Variants in ABCA2 observed in about 807,000 individuals in gnomAD.
ABCA2 encodes ATP binding cassette subfamily A member 2, also known as ATP-binding cassette sub-family A member 2.
Under a neutral mutation model 262.8 loss-of-function variants are expected in ABCA2, and 84 were observed. The ratio of observed to expected loss-of-function variants is 0.32; its 90% CI spans 0.27 to 0.38. The LOEUF (loss-of-function observed/expected upper bound fraction) is 0.38. Ranked by LOEUF, ABCA2 falls within the 10% of genes least tolerant of loss-of-function variation. ABCA2 has a pLI of 1.00. For synonymous variants in ABCA2, 1,696 were observed against 1,502.9 expected, an observed-to-expected ratio of 1.13 and a Z score of -2.97; for missense variants, 2,662 against 3,405.9, an observed-to-expected ratio of 0.78 and a Z score of 5.44.
Position 137,020,906 on chromosome 9 carries a change from G to A in ABCA2, c.1053C>T (p.Ala351=), listed in dbSNP as rs983613982. ...GGGGTCCGGGGGTCCGGCCAGTGCA[G>A]GCACCCTGGGGCAGTAGCAGGGCCA... The part of the protein sequence containing the change: ...SALALLLPQG[A]CTGRTPGPPA... The change falls in exon 9 of 49, where the codon GCC becomes GCT. Residue 351 remains alanine (A), a synonymous_variant. Transcript: ENST00000341511. The A allele has an allele frequency of 6.4e-7, 1 of 1,560,896 alleles. No individual in the cohort carries two copies. Among genetic ancestry groups the A allele is most frequent in the African/African-American group, 1.4e-5 (1 of 74,050 alleles).
chr9:137,008,135 TG>T, intron 48 of ABCA2, 171 bp from the exon 49 acceptor site: 6 of 884,210 alleles, frequency 6.8e-6, no homozygotes, highest in Non-Finnish European at 1.1e-5. Flanking sequence ...CTGCCGAGTC[TG>T]GGGGCCACTG....
chr9:137,021,130 G>A lies in ABCA2; in HGVS notation c.898-69C>T, dbSNP rs1338910248. On this transcript the variant is annotated intron_variant, in intron 8 of 48. Coordinates refer to ENST00000341511, the MANE Select transcript of ABCA2 (RefSeq NM_001606.5). This position sits in a 1 kb window ranked among gnomAD's most constrained non-coding sequence, Gnocchi z 6.0. ...TGCAGGTGGGTGATAGGTCAGGAGTGGAGCAGGGAGACAGCAGCAGGGAGA... is the reference window on the plus strand; with the variant it reads ...TGCAGGTGGGTGATAGGTCAGGAGTAGAGCAGGGAGACAGCAGCAGGGAGA... 2.1e-6 allele frequency: 3 copies of A among 1,438,798 alleles called. No individual in the cohort carries two copies. The highest frequency in any genetic ancestry group is 2.7e-6 in the Non-Finnish European group (3 of 1,099,230). 89.1% of individuals were successfully genotyped at this position (1,438,798 alleles called of 1,614,324 possible). A position where few individuals can be genotyped will look rare whatever the true frequency, so the allele number is the denominator to read the frequency against.
Position 137,026,628 on chromosome 9 carries a change from C to G in ABCA2, c.66+1447G>C, listed in dbSNP as rs118135001. 9.7e-3 allele frequency among the ~76,000 whole-genome samples: 1,474 copies of G among 152,292 alleles called. 17 individuals carry two copies. Among genetic ancestry groups the G allele is most frequent in the East Asian group, 0.028 (147 of 5,170 alleles). ...AGCCCAAACCAGCAGCTGGGAGTCA[C>G]TCTTGCGGTCAGGACAGTGCACACC... On this transcript the variant is annotated intron_variant, in intron 1 of 48. Coordinates refer to ENST00000341511, the MANE Select transcript of ABCA2 (RefSeq NM_001606.5).
intron 20 of ABCA2, 32 bp from the exon 21 acceptor site, chr9:137,016,503 G>A (rs770992525): frequency 8.1e-6 from 13 of 1,612,510 alleles, no homozygotes; most frequent in Non-Finnish European, 8.5e-6. Context: ...GCAGGGTGGG[G>A]GCGGCGCCAA....
At position 137,025,635 on chromosome 9, in the gene ABCA2, C is replaced by T. The variant is rs145900157; in HGVS notation, c.67-1399G>A. ...CTGAGCCAGGACGGAGCCCAGGGTT[C>T]GCCAAGGCACTGTGGGCACCAACAG... On this transcript the variant is annotated intron_variant, in intron 1 of 48. Transcript: ENST00000341511. Among the ~76,000 whole-genome samples the T allele has an allele frequency of 2.6e-5, 4 of 152,232 alleles. No individual in the cohort carries two copies. The South Asian group carries it at 8.3e-4, about 32-fold the overall frequency.
At chr9:137,023,163 A>G in intron 3 of ABCA2, 111 bp from the exon 4 acceptor site, 1 of 873,484 alleles carries the variant, frequency 1.1e-6, no homozygotes, top group South Asian at 1.6e-5. Context: ...AGAGAAAGTC[A>G]GGAAGGAGAA....
chr9:137,011,770 G>A lies in ABCA2; in HGVS notation c.5536-21C>T, dbSNP rs1831053858. 6.4e-7 allele frequency: 1 copy of A among 1,550,448 alleles called. No homozygotes were observed. Reference sequence around the variant, plus strand: ...TTGAGCTGCAGGGGTGGGGGCGGCTGGTGAGAGACCCGGGGCAGGGCGGGG... The same window carrying A: ...TTGAGCTGCAGGGGTGGGGGCGGCTAGTGAGAGACCCGGGGCAGGGCGGGG... On this transcript the variant is annotated intron_variant, in intron 35 of 48. Transcript: ENST00000341511. The surrounding 1 kb of genome is among the most constrained non-coding windows in gnomAD (Gnocchi z 8.8).
chr9:137,023,382 T>A, intron 3 of ABCA2: 1 of 706,150 alleles, frequency 1.4e-6, no homozygotes, highest in East Asian at 2.8e-5. Flanking sequence ...GGTGTGGCAC[T>A]GCCTACAGAG....
chr9:137,023,870 G>A, intron 2 of ABCA2, 30 bp from the exon 3 acceptor site: 1 of 889,878 alleles, frequency 1.1e-6, no homozygotes, highest in South Asian at 1.4e-5. Context: ...AAGAGACCAT[G>A]CGGGGAGGGA....
rs1162826971 is a variant in ABCA2 at position 137,012,643 on chromosome 9, G to A, written c.5082-53C>T. 6.8e-6 allele frequency: 11 copies of A among 1,610,368 alleles called. No homozygotes were observed. In the East Asian group the frequency reaches 2.0e-4, roughly 29 times the overall value. ...AGGCTAGGCAGGCAGTGAGGCTAGA[G>A]GGGCAGGAGTTGAGACTAGGTGGCT... On this transcript the variant is annotated intron_variant, in intron 31 of 48. Coordinates refer to ENST00000341511, the MANE Select transcript of ABCA2 (RefSeq NM_001606.5).
Position 137,019,086 on chromosome 9 carries a change from C to T in ABCA2, c.1555-16G>A, listed in dbSNP as rs768587802. On this transcript the variant is annotated splice_polypyrimidine_tract_variant and intron_variant, in intron 11 of 48. Coordinates refer to ENST00000341511, the MANE Select transcript of ABCA2 (RefSeq NM_001606.5). This position sits in a 1 kb window ranked among gnomAD's most constrained non-coding sequence, Gnocchi z 4.4. ...CTGCTACATACTTGGGGTGGAGGGG[C>T]GGCTCAGAGGGGGACCTGCGCCTGC... The T allele has an allele frequency of 5.0e-6, 8 of 1,603,890 alleles. No homozygotes were observed. The highest frequency in any genetic ancestry group is 2.7e-5 in the African/African-American group (2 of 74,748).
In ABCA2 at chr9:137,019,522, A is replaced by G; in HGVS notation, c.1426-216T>C. ...ACTGCAGCCTCCACCTCCCAGGCTC[A>G]AGGGATCCTCCCGCCTCAGCCCTCC... On this transcript the variant is annotated intron_variant, in intron 10 of 48. Coordinates refer to ENST00000341511, the MANE Select transcript of ABCA2 (RefSeq NM_001606.5). The surrounding 1 kb of genome is among the most constrained non-coding windows in gnomAD (Gnocchi z 4.4). The G allele has an allele frequency of 1.9e-6, 1 of 534,314 alleles. No homozygotes were observed. The highest frequency in any genetic ancestry group is 2.3e-5 in the South Asian group (1 of 43,498). The allele number at this position is 534,314 out of a possible 1,614,324, so 33.1% of individuals were successfully genotyped here. A position where few individuals can be genotyped will look rare whatever the true frequency, so the allele number is the denominator to read the frequency against.
chr9:137,018,085 G>C lies in ABCA2; in HGVS notation c.1994-10C>G. 2.5e-6 allele frequency: 4 copies of C among 1,611,890 alleles called. No homozygotes were observed. The highest frequency in any genetic ancestry group is 3.4e-6 in the Non-Finnish European group (4 of 1,179,650). Reference sequence around the variant, plus strand: ...GCGCGCTCCATCATGTCTGTGGGTGGGGGCAGCCATCAGGTGCCGGGCAGG... The same window carrying C: ...GCGCGCTCCATCATGTCTGTGGGTGCGGGCAGCCATCAGGTGCCGGGCAGG... On this transcript the variant is annotated splice_polypyrimidine_tract_variant and intron_variant, in intron 14 of 48. Coordinates refer to ENST00000341511, the MANE Select transcript of ABCA2 (RefSeq NM_001606.5).
At position 137,024,158 on chromosome 9, in the gene ABCA2, T is replaced by C. The variant is rs1392613385; in HGVS notation, c.145A>G (p.Ile49Val). ...LLGLRQKKPT[I>V]SVKEVSFYTA... The stretch of plus-strand genomic sequence containing the variant: ...CCGCACTCACCTTCCTTCACGGAGA[T>C]GGTGGGCTTCTTCTGTCGCAGCCCC... Residue 49 changes from isoleucine (I) to valine (V), a missense_variant, in exon 2 of 49, where the codon ATC (isoleucine) becomes GTC (valine). Physicochemically the swap from Ile to Val is conservative, Grantham distance 29 (BLOSUM62 3). Transcript: ENST00000341511. The C allele has an allele frequency of 6.2e-7, 1 of 1,610,804 alleles. No homozygotes were observed. Among genetic ancestry groups the C allele is most frequent in the Non-Finnish European group, 8.5e-7 (1 of 1,179,028 alleles).
chr9:137,012,666 G>C (rs1352956482), intron 31 of ABCA2, 46 bp downstream of exon 31: 2 of 1,610,434 alleles, frequency 1.2e-6, no homozygotes, highest in South Asian at 2.2e-5. Context: ...AGACTAGGTG[G>C]CTGGTGGCCG....
Position 137,009,843 on chromosome 9 carries a change from T to C in ABCA2, c.6556A>G (p.Thr2186Ala). The C allele has an allele frequency of 4.3e-6, 7 of 1,612,526 alleles. No individual in the cohort carries two copies. The highest frequency in any genetic ancestry group is 5.9e-6 in the Non-Finnish European group (7 of 1,179,768). Residue 2186 changes from threonine (T) to alanine (A), a missense_variant, in exon 43 of 49, where the codon ACC becomes GCC. Thr to Ala is a moderately conservative substitution (Grantham distance 58). Around this residue, in one of 12 missense-constraint regions of ABCA2, gnomAD observed 602 missense variants for 897.4 expected, o/e 0.67. Coordinates refer to ENST00000341511, the MANE Select transcript of ABCA2 (RefSeq NM_001606.5). ...TTCCGCTTGTTGCCGCCGCTGTAGG[T>C]GCCAGCCGGCTTGTCTGCGTACTTG... Reference protein sequence around the residue: ...LTKYADKPAGTYSGGNKRKLS... With the variant: ...LTKYADKPAGAYSGGNKRKLS...
Position 137,019,887 on chromosome 9 carries a change from C to T in ABCA2, c.1425+449G>A, listed in dbSNP as rs1831391447. On this transcript the variant is annotated intron_variant, in intron 10 of 48. Transcript: ENST00000341511. This position sits in a 1 kb window ranked among gnomAD's most constrained non-coding sequence, Gnocchi z 4.4. Reference sequence around the variant, plus strand: ...CAATGCTCCACCCTCATCTGTCCCACCCTCATCCTAGGGACCCCCTCTACA... The same window carrying T: ...CAATGCTCCACCCTCATCTGTCCCATCCTCATCCTAGGGACCCCCTCTACA... 1.9e-5 allele frequency: 4 copies of T among 209,544 alleles called. No individual in the cohort carries two copies. Among genetic ancestry groups the T allele is most frequent in the African/African-American group, 9.8e-5 (4 of 40,912 alleles). The allele number at this position is 209,544 out of a possible 1,614,324, so 13.0% of individuals were successfully genotyped here. A position where few individuals can be genotyped will look rare whatever the true frequency, so the allele number is the denominator to read the frequency against.
rs149558526 is a variant in ABCA2 at position 137,010,812 on chromosome 9, T to G, written c.6057-75A>C. 2.0e-3 allele frequency: 3,050 copies of G among 1,503,000 alleles called. 68 individuals carry two copies. The African/African-American group carries it at 0.038, about 19-fold the overall frequency. 93.1% of individuals were successfully genotyped at this position (1,503,000 alleles called of 1,614,324 possible). A position where few individuals can be genotyped will look rare whatever the true frequency, so the allele number is the denominator to read the frequency against. On this transcript the variant is annotated intron_variant, in intron 39 of 48. Transcript: ENST00000341511. ...CCTCCCTGCCACCAGCCTCGCATCC[T>G]CTGGCTGTGGCATGTAAGAAGGGTG...
chr9:137,011,976 C>G lies in ABCA2; in HGVS notation c.5403G>C (p.Val1801=). 1 of 1,612,668 alleles carries G rather than the reference C, an allele frequency of 6.2e-7. No homozygotes were observed. Among genetic ancestry groups the G allele is most frequent in the South Asian group, 1.1e-5 (1 of 91,090 alleles). Residue 1801 remains valine, a synonymous_variant, in exon 35 of 49, where the codon GTG becomes GTC. Transcript: ENST00000341511. The surrounding 1 kb of genome is among the most constrained non-coding windows in gnomAD (Gnocchi z 8.8). ...TDVVIAIFII[V]AMSFVPASFV... is the part of the protein sequence containing the mutation. ...AGCTGGCCGGCACGAAGGACATGGC[C>G]ACGATGATGAAGATGGCGATGACGA...
Sources: allele counts gnomAD v4.1 joint callset (sites outside exome capture counted in the v4.1 genomes callset), GRCh38; gene constraint gnomAD v4.1.1; regional missense constraint gnomAD v4.1.1; non-coding constraint Gnocchi (gnomAD v3.1); transcripts MANE v1.5; gene names NCBI Gene and HGNC (gene_info 2026-07-23, HGNC 2026-07-21).